ANKRD36B: variants seen among roughly 807,000 people sequenced by gnomAD.
ANKRD36B encodes the protein ankyrin repeat domain 36B.
In ANKRD36B, 37 loss-of-function variants were observed where a neutral mutation model predicts 135.7. That is an observed-to-expected ratio of 0.27 (90% CI 0.21 to 0.36). ANKRD36B has a LOEUF of 0.36. ANKRD36B is among the 10% of genes least tolerant of loss of function. ANKRD36B has a pLI of 1.00. For synonymous variants in ANKRD36B, 179 were observed against 348.1 expected, an observed-to-expected ratio of 0.51 and a Z score of 5.41; for missense variants, 549 against 1,037.1, an observed-to-expected ratio of 0.53 and a Z score of 6.46.
Position 97,535,198 on chromosome 2 carries a change from G to T in ANKRD36B, c.2191+1102C>A, listed in dbSNP as rs1481778212. Among the ~76,000 whole-genome samples the T allele has an allele frequency of 2.0e-5, 2 of 100,022 alleles. 1 individual carries two copies. Among genetic ancestry groups the T allele is most frequent in the Non-Finnish European group, 5.5e-5 (2 of 36,566 alleles). The allele number at this position is 100,022 out of a possible 152,430, so 65.6% of individuals were successfully genotyped here. On this transcript the variant is annotated intron_variant, in intron 34 of 43. Coordinates refer to ENST00000359901, the MANE Select transcript of ANKRD36B (RefSeq NM_001393939.1). ...AGGGTGTGGGGGTGGTAGGAAAAGA[G>T]GATGCTTAATAAGTACAAACTATAG...
intron 2 of ANKRD36B, 48 bp from the exon 3 acceptor site, chr2:97,585,165 T>C (rs1436804280): frequency 1.9e-6 from 3 of 1,613,750 alleles, no homozygotes; most frequent in Non-Finnish European, 2.5e-6. Context: ...AAAATCAAAA[T>C]AAACACTCCG....
intron 6 of ANKRD36B, among the ~76,000 whole-genome samples, chr2:97,570,265 T>C (rs1367891116): frequency 1.3e-5 from 2 of 152,144 alleles, no homozygotes; most frequent in African/African-American, 2.4e-5. Context: ...CACTATCAAA[T>C]AGAATTTTTA....
At chr2:97,558,544 G>C (rs1268007382) in intron 10 of ANKRD36B, among the ~76,000 whole-genome samples, 1 of 151,842 alleles carries the variant, frequency 6.6e-6, no homozygotes. Flanking sequence ...AAATTATGCT[G>C]TCCCCTGACT....
intron 26 of ANKRD36B, among the ~76,000 whole-genome samples, chr2:97,543,561 T>A (rs2079263402): frequency 1.0e-5 from 1 of 95,718 alleles, no homozygotes; most frequent in African/African-American, 3.1e-5. Context: ...GCTCTCCATA[T>A]TTCTTCTTCC....
chr2:97,564,816 G>A (rs2081313335), intron 6 of ANKRD36B, among the ~76,000 whole-genome samples: 2 of 152,218 alleles, frequency 1.3e-5, no homozygotes, highest in Non-Finnish European at 2.9e-5. Context: ...GATGCCTCCA[G>A]CTTTGTTCTT....
At chr2:97,553,926 C>G (rs2080272486) in intron 14 of ANKRD36B, among the ~76,000 whole-genome samples, 2 of 151,912 alleles carry the variant, frequency 1.3e-5, no homozygotes, top group African/African-American at 4.8e-5. Flanking sequence ...TTTCCTGAAT[C>G]CGAGTAAATA....
chr2:97,552,016 T>C (rs1000636159), intron 16 of ANKRD36B, among the ~76,000 whole-genome samples: 1 of 152,016 alleles, frequency 6.6e-6, no homozygotes, highest in African/African-American at 2.4e-5. Flanking sequence ...TCACCTTGGA[T>C]ATCTGGTTGC....
In ANKRD36B at chr2:97,585,083, A is replaced by C. The variant is rs781756582; in HGVS notation, c.311T>G (p.Leu104Arg). The change falls in exon 3 of 44, where the codon CTT becomes CGT. Residue 104 changes from leucine to arginine, a missense_variant. By Grantham distance (102) the Leu-to-Arg change is moderately radical. Transcript: ENST00000359901. ...TGGATCGGCGCCATTTTGCAGCAGA[A>C]GAGTTGCACAAGCCTCCTGCCTCAG... ...VQLRQEACATLLLQNGADPNI... is the reference protein window; with the variant it reads ...VQLRQEACATRLLQNGADPNI... The C allele has an allele frequency of 6.2e-7, 1 of 1,613,236 alleles. No homozygotes were observed. The highest frequency in any genetic ancestry group is 1.7e-5 in the Admixed American group (1 of 59,996).
rs760282420 is a variant in ANKRD36B, at chr2:97,547,712, T to G, written c.1497A>C (p.Pro499=). ...KSRTVSFEQP[P]GLKATRDEKD... is the part of the protein sequence containing the mutation. Reference sequence around the variant, plus strand: ...ATGACAGTTTCATTACCTTCAAGCCTGGTGGTTGCTCAAAAGACACTGAAA... The same window carrying G: ...ATGACAGTTTCATTACCTTCAAGCCGGGTGGTTGCTCAAAAGACACTGAAA... The change falls in exon 21 of 44, where the codon CCA becomes CCC. Residue 499 remains proline, a synonymous_variant. Coordinates refer to ENST00000359901, the MANE Select transcript of ANKRD36B (RefSeq NM_001393939.1). 2.6e-6 allele frequency: 4 copies of G among 1,561,742 alleles called. No homozygotes were observed. The African/African-American group carries it at 5.4e-5, about 21-fold the overall frequency.
Position 97,558,955 on chromosome 2 carries a change from A to T in ANKRD36B, c.894+11T>A, listed in dbSNP as rs748868371. The T allele has an allele frequency of 3.1e-6, 5 of 1,604,296 alleles. No homozygotes were observed. In the African/African-American group the frequency reaches 5.4e-5, roughly 17 times the overall value. On this transcript the variant is annotated intron_variant, in intron 9 of 43. Transcript: ENST00000359901. ...GTTAATAGTTCAACATATAAATGAG[A>T]CTTTAATTACCTTCTCAGCTGGTTG...
chr2:97,550,772 C>A (rs1402955102), intron 18 of ANKRD36B, among the ~76,000 whole-genome samples: 1 of 151,840 alleles, frequency 6.6e-6, no homozygotes, highest in Non-Finnish European at 1.5e-5. Flanking sequence ...CAGGTTTCCT[C>A]AGCAGTAACC....
chr2:97,579,321 C>G (rs1261847322), intron 4 of ANKRD36B, among the ~76,000 whole-genome samples: 2 of 134,850 alleles, frequency 1.5e-5, no homozygotes, highest in Non-Finnish European at 3.3e-5. Context: ...GGCCACCTAT[C>G]TACAGTAGGC....
intron 6 of ANKRD36B, among the ~76,000 whole-genome samples, chr2:97,575,080 T>A (rs879457595): frequency 8.6e-4 from 130 of 151,688 alleles, no homozygotes; most frequent in Non-Finnish European, 1.4e-3. Context: ...GTAATCTTAC[T>A]TGTTAGAATT....
chr2:97,530,601 C>G (rs2078520493), intron 35 of ANKRD36B, among the ~76,000 whole-genome samples: 1 of 95,562 alleles, frequency 1.0e-5, no homozygotes, highest in East Asian at 2.3e-4. Flanking sequence ...AAGAAACTAC[C>G]ATCAGAGTGA....
chr2:97,569,710 A>G (rs1215415616), intron 6 of ANKRD36B, among the ~76,000 whole-genome samples: 1 of 152,150 alleles, frequency 6.6e-6, no homozygotes, highest in African/African-American at 2.4e-5. Flanking sequence ...AGAATATTAA[A>G]CTGCTCTTAA....
chr2:97,579,057 G>C lies in ANKRD36B; in HGVS notation c.558-14C>G, dbSNP rs530032915. ...ATGAGGGCTGATCTAAAATAACAGA[G>C]AGGTAATTAAAAACTTTAATGACAT... On this transcript the variant is annotated splice_polypyrimidine_tract_variant and intron_variant, in intron 4 of 43. Coordinates refer to ENST00000359901, the MANE Select transcript of ANKRD36B (RefSeq NM_001393939.1). The C allele has an allele frequency of 3.2e-5, 50 of 1,584,622 alleles. No homozygotes were observed. In the South Asian group the frequency reaches 5.5e-4, roughly 17 times the overall value.
intron 6 of ANKRD36B, among the ~76,000 whole-genome samples, chr2:97,568,917 T>C (rs993684965): frequency 1.3e-5 from 2 of 152,182 alleles, no homozygotes; most frequent in South Asian, 2.1e-4. Flanking sequence ...TATAGACTGT[T>C]TTCAAAGTGA....
chr2:97,559,643 G>A (rs145812746), intron 8 of ANKRD36B, among the ~76,000 whole-genome samples: 438 of 151,844 alleles, frequency 2.9e-3, no homozygotes, highest in African/African-American at 1.0e-2. Flanking sequence ...TCCACTCATG[G>A]CAACAAACGA....
chr2:97,540,225 A>G lies in ANKRD36B; in HGVS notation c.1890T>C (p.Ser630=). The G allele has an allele frequency of 1.0e-6, 1 of 968,028 alleles. No homozygotes were observed. Among genetic ancestry groups the G allele is most frequent in the Non-Finnish European group, 1.6e-6 (1 of 641,426 alleles). The allele number at this position is 968,028 out of a possible 1,614,324, so 60.0% of individuals were successfully genotyped here. A position where few individuals can be genotyped will look rare whatever the true frequency, so the allele number is the denominator to read the frequency against. ...IKDGQIRGTV[S]SQRRPALKTT... is the part of the protein sequence containing the mutation. ...CCTTCAAGGCTGGTCGTCTCTGAGA[A>G]GACACTGAAAAGCAAAAGGGATACA... is the stretch of plus-strand genomic sequence containing the variant. The change falls in exon 29 of 44, where the codon TCT becomes TCC. Residue 630 remains serine (S), a synonymous_variant. Transcript: ENST00000359901.
Sources: allele counts gnomAD v4.1 joint callset (sites outside exome capture counted in the v4.1 genomes callset), GRCh38; gene constraint gnomAD v4.1.1; transcripts MANE v1.5; gene names NCBI Gene and HGNC (gene_info 2026-07-23, HGNC 2026-07-21).